The following AFF4 variants were observed in gnomAD, a reference collection of about 807,000 sequenced individuals.
AFF4 encodes the protein ALF transcription elongation factor 4.
A neutral mutation model predicts 124.8 loss-of-function variants in AFF4; 13 were observed. That is an observed-to-expected ratio of 0.10 (90% CI 0.07 to 0.17). The LOEUF (loss-of-function observed/expected upper bound fraction) is 0.17. Among genes scored for constraint, AFF4 ranks in the 10% least tolerant of loss-of-function variants. The probability of loss-of-function intolerance (pLI) is 1.00; values close to 1 mark genes in which losing one functional copy is unlikely to be tolerated. For missense variants in AFF4, 1,092 were observed against 1,403.8 expected, an observed-to-expected ratio of 0.78 and a Z score of 3.55; for synonymous variants, 477 against 496.1, an observed-to-expected ratio of 0.96 and a Z score of 0.51.
At chr5:132,885,365 T>C (rs985482210) in intron 18 of AFF4, among the ~76,000 whole-genome samples, 1 of 149,592 alleles carries the variant, frequency 6.7e-6, no homozygotes, top group Non-Finnish European at 1.5e-5. Context: ...GAGTAACACA[T>C]GGATAAAGGG....
At chr5:132,899,723 T>C (rs1760502056) in intron 7 of AFF4, 82 bp from the exon 8 acceptor site, 1 of 1,296,168 alleles carries the variant, frequency 7.7e-7, no homozygotes, top group African/African-American at 1.5e-5. Flanking sequence ...CTAAAAATTC[T>C]AGAAATAATC....
chr5:132,961,804 C>T (rs1033964630), intron 1 of AFF4, among the ~76,000 whole-genome samples: 2 of 151,990 alleles, frequency 1.3e-5, no homozygotes, highest in African/African-American at 4.8e-5. Context: ...AGAGAGTTAA[C>T]AAAAATCAAA....
intron 11 of AFF4, among the ~76,000 whole-genome samples, chr5:132,894,164 T>C (rs1760330962): frequency 6.6e-6 from 1 of 152,252 alleles, no homozygotes. Context: ...TGTGTGGACA[T>C]GTTTTCATTT....
chr5:132,955,656 T>G (rs1337662673), intron 1 of AFF4, among the ~76,000 whole-genome samples: 1 of 150,650 alleles, frequency 6.6e-6, no homozygotes, highest in Non-Finnish European at 1.5e-5. Flanking sequence ...CGGGCGCCTG[T>G]AATCCCAGCT....
At chr5:132,885,897 C>T (rs1045901332) in intron 18 of AFF4, among the ~76,000 whole-genome samples, 3 of 152,074 alleles carry the variant, frequency 2.0e-5, no homozygotes, top group Non-Finnish European at 4.4e-5. Flanking sequence ...CCTCAGCCTC[C>T]CAAGTAGCTG....
At chr5:132,933,397 C>CAA (rs1247209943) in intron 3 of AFF4, among the ~76,000 whole-genome samples, 3 of 115,648 alleles carry the variant, frequency 2.6e-5, no homozygotes, top group Admixed American at 8.9e-5. Context: ...AACTCCAACT[C>CAA]AAAAAAAAAA....
chr5:132,892,636 G>C (rs1286264334), intron 12 of AFF4, among the ~76,000 whole-genome samples: 6 of 152,152 alleles, frequency 3.9e-5, no homozygotes, highest in Non-Finnish European at 7.3e-5. Flanking sequence ...CTACCACTCA[G>C]TAGTACTCAA....
At chr5:132,883,718 A>G (rs1404005887) in intron 19 of AFF4, among the ~76,000 whole-genome samples, 158 bp from the exon 20 acceptor site, 3 of 152,252 alleles carry the variant, frequency 2.0e-5, no homozygotes, top group Non-Finnish European at 4.4e-5. Flanking sequence ...AATAAGTACT[A>G]TAATCTTGTA....
At chr5:132,913,600 T>C (rs1164317254) in intron 5 of AFF4, among the ~76,000 whole-genome samples, 1 of 152,188 alleles carries the variant, frequency 6.6e-6, no homozygotes, top group East Asian at 1.9e-4. Flanking sequence ...CCCACCACCG[T>C]GCCCGGCTGA....
At chr5:132,944,331 T>C (rs989835797) in intron 1 of AFF4, among the ~76,000 whole-genome samples, 10 of 138,976 alleles carry the variant, frequency 7.2e-5, no homozygotes, top group Admixed American at 6.4e-4. Context: ...CGCGAGACTC[T>C]GTCTCCAAAA....
rs1167476359 is a variant in AFF4 at position 132,898,410 on chromosome 5, T to C, written c.1227-18A>G. The C allele has an allele frequency of 1.2e-6, 2 of 1,605,770 alleles. No homozygotes were observed. The highest frequency in any genetic ancestry group is 1.7e-6 in the Non-Finnish European group (2 of 1,176,542). ...CAGAGTTACTAAAAGAGATGAAATA[T>C]ACAAATGTCCAAAGTTTATTTTACA... On this transcript the variant is annotated intron_variant, in intron 9 of 20. Transcript: ENST00000265343.
rs1241217266 is a variant in AFF4, at chr5:132,879,598, G to A, written c.*1461C>T. ...CTGGTCCTAGTGTAAAACTTCATTT[G>A]TAAACAATCCATAGAGTCTTCATTT... On this transcript the variant is annotated 3_prime_UTR_variant, in exon 21 of 21. Coordinates refer to ENST00000265343, the MANE Select transcript of AFF4 (RefSeq NM_014423.4). 1.4e-5 allele frequency: 3 copies of A among 207,720 alleles called. No homozygotes were observed. Among genetic ancestry groups the A allele is most frequent in the African/African-American group, 6.8e-5 (3 of 44,018 alleles). The allele number at this position is 207,720 out of a possible 1,614,324, so 12.9% of individuals were successfully genotyped here. A position where few individuals can be genotyped will look rare whatever the true frequency, so the allele number is the denominator to read the frequency against.
intron 5 of AFF4, among the ~76,000 whole-genome samples, chr5:132,915,557 CT>C (rs869166538): frequency 3.8e-5 from 5 of 132,406 alleles, no homozygotes; most frequent in East Asian, 4.7e-4. Context: ...TGACCCACTT[CT>C]TTTTTTTGGG....
At chr5:132,940,590 TA>T (rs1761545155) in intron 1 of AFF4, among the ~76,000 whole-genome samples, 1 of 152,244 alleles carries the variant, frequency 6.6e-6, no homozygotes, top group Non-Finnish European at 1.5e-5. Context: ...GAAGTATTTC[TA>T]TATCTCTTGT....
At chr5:132,887,819 A>G in intron 16 of AFF4, 27 bp downstream of exon 16, 1 of 1,610,450 alleles carries the variant, frequency 6.2e-7, no homozygotes, top group Non-Finnish European at 8.5e-7. Flanking sequence ...TGTTATTGCC[A>G]ATGATCTGCC....
At chr5:132,923,469 T>C (rs1353833915) in intron 5 of AFF4, among the ~76,000 whole-genome samples, 1 of 152,052 alleles carries the variant, frequency 6.6e-6, no homozygotes, top group Non-Finnish European at 1.5e-5. Context: ...ATAAATTTAG[T>C]GGTGGGCACA....
At chr5:132,908,776 A>ATATATTTT (rs375891983) in intron 5 of AFF4, among the ~76,000 whole-genome samples, 83 of 114,886 alleles carry the variant, frequency 7.2e-4, no homozygotes, top group African/African-American at 2.4e-3. Flanking sequence ...ATATATATAT[A>ATATATTTT]TTTTTTTTTT....
intron 1 of AFF4, among the ~76,000 whole-genome samples, chr5:132,956,696 T>C (rs896222006): frequency 2.7e-5 from 4 of 149,432 alleles, no homozygotes; most frequent in African/African-American, 7.4e-5. Context: ...ATTGACTTGC[T>C]AAAAAAAATG....
In AFF4 at chr5:132,914,119, T is replaced by C. The variant is rs1307813482; in HGVS notation, c.1051-9715A>G. Among the ~76,000 whole-genome samples, 4 of 151,700 alleles carry C rather than the reference T, an allele frequency of 2.6e-5. No homozygotes were observed. The East Asian group carries it at 7.7e-4, about 29-fold the overall frequency. On this transcript the variant is annotated intron_variant, in intron 5 of 20. Transcript: ENST00000265343. The stretch of plus-strand genomic sequence containing the variant: ...AGTGTATGCTTGTAATCCCAGCTAC[T>C]TGGGAGCCTGAGGCAGGAGAATCCT...
Sources: allele counts gnomAD v4.1 joint callset (sites outside exome capture counted in the v4.1 genomes callset), GRCh38; gene constraint gnomAD v4.1.1; transcripts MANE v1.5; gene names NCBI Gene and HGNC (gene_info 2026-07-23, HGNC 2026-07-21).